Variants in TLN2 observed in about 807,000 individuals in gnomAD.
TLN2 encodes the protein talin 2.
In TLN2, 118 loss-of-function variants were observed where a neutral mutation model predicts 294.7. That is an observed-to-expected ratio of 0.40 (90% CI 0.34 to 0.47). TLN2 has a LOEUF of 0.47. TLN2 is among the 20% of genes least tolerant of loss of function. The pLI is 0.84. For synonymous variants in TLN2, 1,431 were observed against 1,304.5 expected (o/e 1.10, Z -2.09); for missense variants, 3,083 against 3,282.2 (o/e 0.94, Z 1.48).
chr15:62,718,699 G>A (rs1338445957), intron 24 of TLN2, among the ~76,000 whole-genome samples: 2 of 152,294 alleles, frequency 1.3e-5, no homozygotes, highest in South Asian at 4.1e-4. Context: ...CTCTGCTGTG[G>A]AGGAGTTTGC....
intron 1 of TLN2, among the ~76,000 whole-genome samples, chr15:62,570,755 G>A (rs1196994484): frequency 6.6e-6 from 1 of 152,186 alleles, no homozygotes; most frequent in Non-Finnish European, 1.5e-5. Flanking sequence ...CCCCAGTGGT[G>A]GATACCAAAA....
In TLN2 at chr15:62,840,550, C is replaced by T. The variant is rs1178966258; in HGVS notation, c.7569C>T (p.Ala2523=). 1.2e-6 allele frequency: 2 copies of T among 1,614,020 alleles called. No homozygotes were observed. The highest frequency in any genetic ancestry group is 1.3e-5 in the African/African-American group (1 of 74,912). ...RELEEARKKL[A]QIRQQQYKFL... is the part of the protein sequence containing the mutation. ...TGGAAGAAGCAAGGAAAAAACTGGCCCAAATCCGCCAGCAGCAGTATAAGT... is the reference window on the plus strand; with the variant it reads ...TGGAAGAAGCAAGGAAAAAACTGGCTCAAATCCGCCAGCAGCAGTATAAGT... The change falls in exon 59 of 59, where the codon GCC becomes GCT. Residue 2523 remains alanine (A), a synonymous_variant. Transcript: ENST00000636159.
intron 11 of TLN2, 124 bp downstream of exon 11, chr15:62,675,445 G>A (rs2056072703): frequency 1.1e-6 from 1 of 948,450 alleles, no homozygotes; most frequent in South Asian, 1.6e-5. Context: ...GGAACATCTG[G>A]CTAGTGCTGA....
intron 27 of TLN2, among the ~76,000 whole-genome samples, chr15:62,725,925 G>A (rs566738699): frequency 1.6e-4 from 24 of 152,280 alleles, no homozygotes; most frequent in African/African-American, 5.3e-4. Flanking sequence ...GTAGAACAAT[G>A]CCTGGTACAT....
intron 11 of TLN2, among the ~76,000 whole-genome samples, chr15:62,683,232 C>T (rs887576574): frequency 6.6e-6 from 1 of 152,204 alleles, no homozygotes; most frequent in Non-Finnish European, 1.5e-5. Flanking sequence ...TTCCTCCATC[C>T]AGTTCTGGAT....
intron 1 of TLN2, among the ~76,000 whole-genome samples, chr15:62,399,893 A>G (rs1046697223): frequency 6.6e-6 from 1 of 152,134 alleles, no homozygotes; most frequent in Non-Finnish European, 1.5e-5. Flanking sequence ...TCCTGCAATG[A>G]ACTAAGACTT....
At chr15:62,410,789 T>C (rs2033728501) in intron 1 of TLN2, among the ~76,000 whole-genome samples, 1 of 152,196 alleles carries the variant, frequency 6.6e-6, no homozygotes, top group South Asian at 2.1e-4. Context: ...GAAGCCGAGG[T>C]GCAGAGAGCG....
At chr15:62,437,400 C>T (rs2035336430) in intron 1 of TLN2, among the ~76,000 whole-genome samples, 1 of 152,006 alleles carries the variant, frequency 6.6e-6, no homozygotes, top group Non-Finnish European at 1.5e-5. Context: ...TAAGTGCGAG[C>T]CACCACACCT....
chr15:62,776,940 C>A, intron 43 of TLN2, 30 bp downstream of exon 43: 1 of 1,445,214 alleles, frequency 6.9e-7, no homozygotes, highest in Non-Finnish European at 9.2e-7. Context: ...CTCTCTACTC[C>A]CTTATCTCCC....
intron 12 of TLN2, chr15:62,690,559 T>C: frequency 6.4e-6 from 1 of 156,794 alleles, no homozygotes; most frequent in Non-Finnish European, 1.3e-5. Context: ...GCTCCTCATA[T>C]CCCAGACGAT....
intron 1 of TLN2, among the ~76,000 whole-genome samples, chr15:62,573,656 A>G (rs1472245056): frequency 1.3e-5 from 2 of 151,908 alleles, no homozygotes; most frequent in Admixed American, 6.6e-5. Context: ...CATCTCTTCC[A>G]GAGTCTCCTT....
At chr15:62,667,098 T>G (rs2140987082) in intron 9 of TLN2, among the ~76,000 whole-genome samples, 1 of 152,312 alleles carries the variant, frequency 6.6e-6, no homozygotes, top group South Asian at 2.1e-4. Flanking sequence ...CCCGAGTAGC[T>G]GGGACTACAG....
intron 25 of TLN2, among the ~76,000 whole-genome samples, chr15:62,722,131 A>G (rs2060185488): frequency 6.6e-6 from 1 of 152,156 alleles, no homozygotes; most frequent in Non-Finnish European, 1.5e-5. Context: ...TCTACCCTCC[A>G]TGACACCTCC....
chr15:62,582,265 T>A, intron 1 of TLN2, among the ~76,000 whole-genome samples: 1 of 108,772 alleles, frequency 9.2e-6, no homozygotes, highest in Non-Finnish European at 1.9e-5. Flanking sequence ...CCTGACCCAT[T>A]CCTGACCCTG....
chr15:62,469,967 C>CGAGA (rs34584473), intron 1 of TLN2, among the ~76,000 whole-genome samples: 2 of 151,460 alleles, frequency 1.3e-5, no homozygotes, highest in Non-Finnish European at 1.5e-5. Flanking sequence ...AGAGAGAGAG[C>CGAGA]GAGAGAGAGA....
chr15:62,694,716 C>G (rs529476368), intron 14 of TLN2, among the ~76,000 whole-genome samples: 4 of 152,212 alleles, frequency 2.6e-5, no homozygotes, highest in African/African-American at 9.6e-5. Context: ...TGAGCCGTAC[C>G]GTCAGGAGGT....
Position 62,647,421 on chromosome 15 carries a change from G to T in TLN2, c.111G>T (p.Arg37=). 1.2e-6 allele frequency: 2 copies of T among 1,614,168 alleles called. No individual in the cohort carries two copies. Among genetic ancestry groups the T allele is most frequent in the Non-Finnish European group, 1.7e-6 (2 of 1,180,018 alleles). ...VYDACRVIRE[R]VPEAQTGQAS... ...ATGCGTGTCGAGTCATTCGGGAACG[G>T]GTGCCTGAGGCACAAACTGGGCAAG... is the stretch of plus-strand genomic sequence containing the variant. Residue 37 remains arginine (R), a synonymous_variant, in exon 4 of 59, where the codon CGG becomes CGT. Transcript: ENST00000636159.
chr15:62,454,312 C>T (rs1007275174), intron 1 of TLN2, among the ~76,000 whole-genome samples: 3 of 152,026 alleles, frequency 2.0e-5, no homozygotes, highest in Non-Finnish European at 2.9e-5. Context: ...GGGGGCACTT[C>T]GGGACCCCAA....
At chr15:62,821,005 G>T (rs1349464543) in intron 54 of TLN2, among the ~76,000 whole-genome samples, 3 of 152,176 alleles carry the variant, frequency 2.0e-5, no homozygotes, top group Non-Finnish European at 4.4e-5. Context: ...GAATCAGAGG[G>T]CAATGAGAAC....
Sources: gnomAD v4.1 joint callset for allele counts (sites outside exome capture counted in the v4.1 genomes callset) on GRCh38, gnomAD v4.1.1 for gene constraint, MANE v1.5 for transcripts, NCBI Gene and HGNC (gene_info 2026-07-23, HGNC 2026-07-21) for gene names.